The following USP40 variants were observed in gnomAD, a reference collection of about 807,000 sequenced individuals.
USP40 encodes ubiquitin carboxyl-terminal hydrolase 40.
Under a neutral mutation model 166.2 loss-of-function variants are expected in USP40, and 143 were observed. The observed-to-expected ratio is 0.86, with a 90% CI of 0.75 to 0.99. The LOEUF is 0.99. Among genes scored for constraint, USP40 ranks in the 50% least tolerant of loss-of-function variants. USP40 has a pLI of 0.00. For synonymous variants in USP40, 498 were observed against 524.0 expected, an observed-to-expected ratio of 0.95 and a Z score of 0.68; for missense variants, 1,444 against 1,479.7, an observed-to-expected ratio of 0.98 and a Z score of 0.40.
chr2:233,561,481 T>G (rs1275556499), intron 3 of USP40, among the ~76,000 whole-genome samples: 71 of 149,544 alleles, frequency 4.7e-4, no homozygotes, highest in African/African-American at 1.6e-3. Flanking sequence ...GATTCCCTAT[T>G]TAATAAATGG....
chr2:233,535,516 C>A (rs1195331607), intron 10 of USP40, among the ~76,000 whole-genome samples: 2 of 152,188 alleles, frequency 1.3e-5, no homozygotes, highest in African/African-American at 4.8e-5. Flanking sequence ...TAGCTGAGCC[C>A]TACTGTAAGA....
intron 18 of USP40, among the ~76,000 whole-genome samples, chr2:233,517,386 GTTTT>G (rs201945738): frequency 3.0e-5 from 4 of 133,994 alleles, no homozygotes; most frequent in African/African-American, 1.1e-4. Flanking sequence ...ATGGTTTTTT[GTTTT>G]TTTTTTTTTT....
chr2:233,559,936 A>G lies in USP40; in HGVS notation c.268-12T>C. 1 of 1,575,482 alleles carries G rather than the reference A, an allele frequency of 6.3e-7. No homozygotes were observed. The highest frequency in any genetic ancestry group is 8.6e-7 in the Non-Finnish European group (1 of 1,156,138). ...GGGATGATTCGAACCTGAATGAGAA[A>G]CAAACACATTTCTAAATGAATTCTT... is the stretch of plus-strand genomic sequence containing the variant. On this transcript the variant is annotated splice_polypyrimidine_tract_variant and intron_variant, in intron 3 of 31. Coordinates refer to ENST00000678225, the MANE Select transcript of USP40 (RefSeq NM_001365479.2).
At chr2:233,505,049 T>G (rs977002059) in intron 21 of USP40, among the ~76,000 whole-genome samples, 1 of 152,040 alleles carries the variant, frequency 6.6e-6, no homozygotes, top group Non-Finnish European at 1.5e-5. Context: ...AAGAAAAACT[T>G]TGAAAACCTT....
rs1342010870 is a variant in USP40 at position 233,485,618 on chromosome 2, T to G, written c.3417A>C (p.Gln1139His). The change falls in exon 30 of 32, where the codon CAA (glutamine) becomes CAC (histidine). Residue 1139 changes from glutamine to histidine, a missense_variant. Gln to His is a conservative substitution (Grantham distance 24, BLOSUM62 0). Transcript: ENST00000678225. Reference sequence around the variant, plus strand: ...TTTTTTTCTTTTTCCTCTTGGTTATTTGTTGGTTCTATGGGAAAATCAAAC... The same window carrying G: ...TTTTTTTCTTTTTCCTCTTGGTTATGTGTTGGTTCTATGGGAAAATCAAAC... Reference protein sequence around the residue: ...EWLPISSWNQQITKRKKKKKQ... With the variant: ...EWLPISSWNQHITKRKKKKKQ... 6 of 1,613,224 alleles carry G rather than the reference T, an allele frequency of 3.7e-6. No individual in the cohort carries two copies. In the Admixed American group the frequency reaches 8.3e-5, roughly 22 times the overall value.
chr2:233,539,387 A>C (rs907281553), intron 10 of USP40, among the ~76,000 whole-genome samples: 2 of 152,168 alleles, frequency 1.3e-5, no homozygotes, highest in Non-Finnish European at 2.9e-5. Flanking sequence ...AAGAAATTCA[A>C]AAGAACTGAA....
rs369160957 is a variant in USP40, at chr2:233,519,712, T to C, written c.2326-41A>G. ...AAAATAATGACTAAGTTGTAAAAAA[T>C]GGGAGGAGATGAAAATGAGGATTGT... On this transcript the variant is annotated intron_variant, in intron 17 of 31. Coordinates refer to ENST00000678225, the MANE Select transcript of USP40 (RefSeq NM_001365479.2). The C allele has an allele frequency of 4.4e-6, 5 of 1,131,136 alleles. No homozygotes were observed. The African/African-American group carries it at 4.8e-5, about 11-fold the overall frequency. The allele number at this position is 1,131,136 out of a possible 1,614,324, so 70.1% of individuals were successfully genotyped here. A position where few individuals can be genotyped will look rare whatever the true frequency, so the allele number is the denominator to read the frequency against.
chr2:233,478,280 C>G (rs2064311840), intron 31 of USP40, among the ~76,000 whole-genome samples: 1 of 152,186 alleles, frequency 6.6e-6, no homozygotes, highest in Non-Finnish European at 1.5e-5. Context: ...AGTGTCTGTG[C>G]CAATTCCACA....
intron 24 of USP40, among the ~76,000 whole-genome samples, chr2:233,494,956 T>TATA (rs2065626785): frequency 2.8e-5 from 1 of 35,504 alleles, no homozygotes; most frequent in Non-Finnish European, 5.1e-5. Context: ...ATATATATAT[T>TATA]TATATATATA....
At position 233,533,765 on chromosome 2, in the gene USP40, A is replaced by C. The variant is rs2068727793; in HGVS notation, c.1185T>G (p.His395Gln). 6.3e-7 allele frequency: 1 copy of C among 1,599,734 alleles called. No homozygotes were observed. Among genetic ancestry groups the C allele is most frequent in the African/African-American group, 1.4e-5 (1 of 73,546 alleles). The change falls in exon 11 of 32, where the codon CAT (histidine) becomes CAG (glutamine). Residue 395 changes from histidine to glutamine, a missense_variant. Physicochemically the swap from His to Gln is conservative, Grantham distance 24. Coordinates refer to ENST00000678225, the MANE Select transcript of USP40 (RefSeq NM_001365479.2). ...HGPLRKFLQL[H>Q]SQIFLLSSDE... is the part of the protein sequence containing the mutation. ...CTGAACTGAGTAGAAATATCTGAGAATGGAGCTGTAAGAACTACACAGAAA... is the reference window on the plus strand; with the variant it reads ...CTGAACTGAGTAGAAATATCTGAGACTGGAGCTGTAAGAACTACACAGAAA...
At chr2:233,547,742 T>C (rs1003470868) in intron 8 of USP40, among the ~76,000 whole-genome samples, 2 of 152,206 alleles carry the variant, frequency 1.3e-5, no homozygotes, top group Non-Finnish European at 2.9e-5. Context: ...TAATAAGACA[T>C]TAAAGGGACT....
chr2:233,501,898 A>C (rs896992265), intron 21 of USP40, among the ~76,000 whole-genome samples: 2 of 152,234 alleles, frequency 1.3e-5, no homozygotes, highest in African/African-American at 4.8e-5. Flanking sequence ...CAGAATGCTC[A>C]AAGATAGAGA....
intron 10 of USP40, among the ~76,000 whole-genome samples, chr2:233,538,431 C>G (rs1177225794): frequency 1.3e-5 from 2 of 151,756 alleles, no homozygotes; most frequent in African/African-American, 2.4e-5. Context: ...CTTGATAAAC[C>G]CCAGCAATGA....
intron 26 of USP40, 35 bp from the exon 27 acceptor site, chr2:233,489,518 T>C: frequency 6.6e-7 from 1 of 1,516,740 alleles, no homozygotes; most frequent in Non-Finnish European, 8.9e-7. Context: ...CCAACGGTTT[T>C]AAAAAGCACT....
rs1436223978 is a variant in USP40 at position 233,565,455 on chromosome 2, G to A, written c.100C>T (p.Pro34Ser). The A allele has an allele frequency of 5.2e-6, 8 of 1,537,124 alleles. No homozygotes were observed. Among genetic ancestry groups the A allele is most frequent in the South Asian group, 3.6e-5 (3 of 84,036 alleles). The stretch of plus-strand genomic sequence containing the variant: ...CCGCTTAAATTGGTGAATTCTCTAG[G>A]AGCAGGTGGCTCCAAAGCTTTAGTC... Reference protein sequence around the residue: ...LKTKALEPPAPREFTNLSGIR... With the variant: ...LKTKALEPPASREFTNLSGIR... Residue 34 changes from proline (P) to serine (S), a missense_variant, in exon 2 of 32, where the codon CCT (proline) becomes TCT (serine). By Grantham distance (74) the Pro-to-Ser change is moderately conservative. Transcript: ENST00000678225.
At chr2:233,511,671 G>A in intron 20 of USP40, 38 bp downstream of exon 20, 1 of 1,533,120 alleles carries the variant, frequency 6.5e-7, no homozygotes, top group Non-Finnish European at 8.9e-7. Context: ...GGTTATGGAA[G>A]GGTTGATTTT....
chr2:233,496,316 A>G (rs1270460375), intron 24 of USP40, among the ~76,000 whole-genome samples: 1 of 152,266 alleles, frequency 6.6e-6, no homozygotes, highest in Non-Finnish European at 1.5e-5. Context: ...GCTACTGCAT[A>G]GAACATCAAG....
At chr2:233,503,550 T>A (rs1192391219) in intron 21 of USP40, among the ~76,000 whole-genome samples, 3 of 152,080 alleles carry the variant, frequency 2.0e-5, no homozygotes, top group Non-Finnish European at 4.4e-5. Flanking sequence ...AAGTCACATA[T>A]AAGGAAATCC....
At position 233,477,377 on chromosome 2, in the gene USP40, C is replaced by T. The variant is rs374377490; in HGVS notation, c.*15G>A. 361 of 1,611,208 alleles carry T rather than the reference C, an allele frequency of 2.2e-4. No homozygotes were observed. The highest frequency in any genetic ancestry group is 2.7e-4 in the Non-Finnish European group (324 of 1,178,338). ...CCGGAGAGTTCATCGGGAGTAGAGC[C>T]GTGCAGCGGCGCGGTTATCTGAAGC... is the stretch of plus-strand genomic sequence containing the variant. On this transcript the variant is annotated 3_prime_UTR_variant, in exon 32 of 32. Coordinates refer to ENST00000678225, the MANE Select transcript of USP40 (RefSeq NM_001365479.2).
Sources: gnomAD v4.1 joint callset for allele counts (sites outside exome capture counted in the v4.1 genomes callset) on GRCh38, gnomAD v4.1.1 for gene constraint, MANE v1.5 for transcripts, NCBI Gene and HGNC (gene_info 2026-07-23, HGNC 2026-07-21) for gene names.